Variants in DOCK5 observed in about 807,000 individuals in gnomAD.
DOCK5 encodes the protein dedicator of cytokinesis protein 5.
DOCK5 carries 142 observed loss-of-function variants against 251.8 expected under a neutral mutation model. The observed-to-expected ratio is 0.56, with a 90% CI of 0.49 to 0.65. The LOEUF (loss-of-function observed/expected upper bound fraction) is 0.65. DOCK5 is among the 30% of genes least tolerant of loss of function. The pLI is 0.00. For missense variants in DOCK5, 2,111 were observed against 2,312.3 expected, an observed-to-expected ratio of 0.91 and a Z score of 1.79; for synonymous variants, 842 against 835.5, an observed-to-expected ratio of 1.01 and a Z score of -0.13.
intron 1 of DOCK5, among the ~76,000 whole-genome samples, chr8:25,228,530 A>G (rs1802588179): frequency 6.6e-6 from 1 of 152,162 alleles, no homozygotes; most frequent in Admixed American, 6.5e-5. Context: ...TCATATTTAT[A>G]CCACTTTGAG....
At chr8:25,306,098 T>C (rs1242161267) in intron 11 of DOCK5, among the ~76,000 whole-genome samples, 1 of 152,198 alleles carries the variant, frequency 6.6e-6, no homozygotes, top group Non-Finnish European at 1.5e-5. Context: ...TTTTTTAAAA[T>C]ATGGCCATTG....
Position 25,411,182 on chromosome 8 carries a change from C to A in DOCK5, c.5509-12C>A. 6.5e-7 allele frequency: 1 copy of A among 1,545,758 alleles called. No homozygotes were observed. The highest frequency in any genetic ancestry group is 2.0e-5 in the Admixed American group (1 of 48,962). On this transcript the variant is annotated splice_polypyrimidine_tract_variant and intron_variant, in intron 51 of 51. Coordinates refer to ENST00000276440, the MANE Select transcript of DOCK5 (RefSeq NM_024940.8). ...AAGACCTGCTTCTAATTTTGTGTTT[C>A]TGCTTCTGCAGCTCGCTCCCCCACT...
chr8:25,248,456 T>C (rs2117556473), intron 2 of DOCK5, among the ~76,000 whole-genome samples: 1 of 152,262 alleles, frequency 6.6e-6, no homozygotes, highest in South Asian at 2.1e-4. Flanking sequence ...TGGCACTGTA[T>C]TGTGGCCCTG....
At chr8:25,262,028 C>T (rs1803599480) in intron 2 of DOCK5, among the ~76,000 whole-genome samples, 1 of 152,098 alleles carries the variant, frequency 6.6e-6, no homozygotes, top group African/African-American at 2.4e-5. Flanking sequence ...TGTCAGTACT[C>T]CCATTGATGT....
At chr8:25,409,889 C>T in intron 50 of DOCK5, 4 of 505,224 alleles carry the variant, frequency 7.9e-6, no homozygotes, top group Admixed American at 7.1e-5. Flanking sequence ...CTTCAGAACA[C>T]CTTGTGGAGC....
At chr8:25,313,255 C>G (rs1054217906) in intron 13 of DOCK5, among the ~76,000 whole-genome samples, 1 of 152,102 alleles carries the variant, frequency 6.6e-6, no homozygotes, top group African/African-American at 2.4e-5. Flanking sequence ...TGATTCTGTC[C>G]ACGCTCTTTC....
At chr8:25,259,845 G>C (rs1803525957) in intron 2 of DOCK5, among the ~76,000 whole-genome samples, 1 of 152,172 alleles carries the variant, frequency 6.6e-6, no homozygotes, top group African/African-American at 2.4e-5. Flanking sequence ...ACAAAATTGA[G>C]CTCAGATAAT....
At chr8:25,329,062 A>G (rs2117212598) in intron 18 of DOCK5, among the ~76,000 whole-genome samples, 1 of 152,330 alleles carries the variant, frequency 6.6e-6, no homozygotes, top group South Asian at 2.1e-4. Context: ...TACGAACTCC[A>G]GTGACTTTTA....
chr8:25,213,367 A>C (rs1322513618), intron 1 of DOCK5, among the ~76,000 whole-genome samples: 1 of 147,274 alleles, frequency 6.8e-6, no homozygotes. Flanking sequence ...AATGTAGCAA[A>C]AAAAAAAAAA....
intron 2 of DOCK5, among the ~76,000 whole-genome samples, chr8:25,268,102 C>T (rs1803811333): frequency 1.3e-5 from 2 of 151,976 alleles, no homozygotes; most frequent in African/African-American, 4.8e-5. Context: ...ACGTCATGAT[C>T]CACCTGCCTC....
intron 28 of DOCK5, among the ~76,000 whole-genome samples, chr8:25,360,289 C>T (rs988259400): frequency 4.6e-5 from 7 of 152,152 alleles, no homozygotes; most frequent in Non-Finnish European, 5.9e-5. Flanking sequence ...CTCTCAATGC[C>T]GTGTTAGACT....
At chr8:25,229,255 G>T (rs1457300393) in intron 1 of DOCK5, among the ~76,000 whole-genome samples, 2 of 152,136 alleles carry the variant, frequency 1.3e-5, no homozygotes. Context: ...GCCAAGGCAG[G>T]CAGATCACCT....
chr8:25,263,917 C>T (rs1803662649), intron 2 of DOCK5, among the ~76,000 whole-genome samples: 1 of 151,862 alleles, frequency 6.6e-6, no homozygotes, highest in Non-Finnish European at 1.5e-5. Context: ...ATTCCCATTC[C>T]CCAAGGTTTT....
intron 37 of DOCK5, chr8:25,376,006 G>C: frequency 1.2e-6 from 1 of 848,758 alleles, no homozygotes; most frequent in African/African-American, 1.8e-5. Flanking sequence ...GCTGAGGCAG[G>C]AGAATCATTT....
chr8:25,363,141 G>A lies in DOCK5; in HGVS notation c.3044G>A (p.Arg1015Lys). The A allele has an allele frequency of 6.2e-7, 1 of 1,613,610 alleles. No individual in the cohort carries two copies. The highest frequency in any genetic ancestry group is 8.5e-7 in the Non-Finnish European group (1 of 1,179,510). The change falls in exon 29 of 52, where the codon AGG becomes AAG. Residue 1015 changes from arginine (R) to lysine (K), a missense_variant and splice_region_variant. By Grantham distance (26) the Arg-to-Lys change is conservative (BLOSUM62 2). Transcript: ENST00000276440. ...ATGGTGATGAATATGACTCAAAACAGGTGAGACAGCCCATGGCTGGCCCTG... is the reference window on the plus strand; with the variant it reads ...ATGGTGATGAATATGACTCAAAACAAGTGAGACAGCCCATGGCTGGCCCTG... ...DWMVMNMTQN[R>K]VFLRAINQFA...
chr8:25,385,703 A>G (rs531976934), intron 40 of DOCK5, among the ~76,000 whole-genome samples: 4 of 152,204 alleles, frequency 2.6e-5, no homozygotes, highest in Non-Finnish European at 5.9e-5. Context: ...AGAGATCAAA[A>G]AATGAGATAA....
chr8:25,397,231 AAAG>A (rs1216348320), intron 45 of DOCK5, among the ~76,000 whole-genome samples: 1 of 152,138 alleles, frequency 6.6e-6, no homozygotes, highest in Admixed American at 6.5e-5. Context: ...AAAAAAAAAA[AAAG>A]AAGAAAAATG....
chr8:25,392,939 C>G, intron 44 of DOCK5, 57 bp downstream of exon 44: 1 of 1,429,060 alleles, frequency 7.0e-7, no homozygotes. Flanking sequence ...AATATAATAA[C>G]AGCCTTTGTT....
At chr8:25,410,712 C>A (rs560961050) in intron 51 of DOCK5, among the ~76,000 whole-genome samples, 2 of 150,712 alleles carry the variant, frequency 1.3e-5, no homozygotes, top group East Asian at 2.0e-4. Flanking sequence ...TCCCCCCCAC[C>A]CACCTCAGCC....
Sources: gnomAD v4.1 joint callset for allele counts (sites outside exome capture counted in the v4.1 genomes callset) on GRCh38, gnomAD v4.1.1 for gene constraint, MANE v1.5 for transcripts, NCBI Gene and HGNC (gene_info 2026-07-23, HGNC 2026-07-21) for gene names.